NKAIN2: variants seen among roughly 807,000 people sequenced by gnomAD.
NKAIN2 encodes sodium/potassium-transporting ATPase subunit beta-1-interacting protein 2.
A neutral mutation model predicts 32.6 loss-of-function variants in NKAIN2; 14 were observed. The ratio of observed to expected loss-of-function variants is 0.43; its 90% CI spans 0.28 to 0.67. The LOEUF is 0.67. NKAIN2 is among the 30% of genes least tolerant of loss of function. The pLI is 0.17. For missense variants in NKAIN2, 198 were observed against 258.3 expected (o/e 0.77, Z 1.60); for synonymous variants, 80 against 87.2 (o/e 0.92, Z 0.46).
chr6:124,516,044 T>G, intron 3 of NKAIN2, among the ~76,000 whole-genome samples: 1 of 152,302 alleles, frequency 6.6e-6, no homozygotes, highest in East Asian at 1.9e-4. Context: ...GCATTCCTAC[T>G]ATCTTCCTCG....
chr6:124,711,959 T>G (rs369391078), intron 4 of NKAIN2, among the ~76,000 whole-genome samples: 2 of 152,258 alleles, frequency 1.3e-5, no homozygotes, highest in Non-Finnish European at 1.5e-5. Context: ...TTTATCTACT[T>G]TTGGTCTTTG....
At chr6:123,932,369 A>G in intron 1 of NKAIN2, among the ~76,000 whole-genome samples, 1 of 144,426 alleles carries the variant, frequency 6.9e-6, no homozygotes, top group African/African-American at 2.7e-5. Context: ...ACAAATCAAC[A>G]TGTGTGGAGT....
chr6:124,535,898 C>T (rs538897353), intron 3 of NKAIN2, among the ~76,000 whole-genome samples: 2 of 152,278 alleles, frequency 1.3e-5, no homozygotes, highest in East Asian at 1.9e-4. Context: ...TTCCCTCAGG[C>T]GTGAAGCAAC....
rs9388317 is a variant in NKAIN2 at position 124,342,526 on chromosome 6, A to T, written c.193-12741A>T. On this transcript the variant is annotated intron_variant, in intron 2 of 6. Transcript: ENST00000368417. ...TTTTGTTGTTTTTTCTTTTATTTTC[A>T]ATACAGGGTCTTGCTCTGTCACCCA... Among the ~76,000 whole-genome samples, 106 of 151,590 alleles carry T rather than the reference A, an allele frequency of 7.0e-4. 1 individual carries two copies. The highest frequency in any genetic ancestry group is 2.4e-3 in the African/African-American group (100 of 41,396).
chr6:124,351,508 C>CAAA (rs397956239), intron 2 of NKAIN2, among the ~76,000 whole-genome samples: 6 of 109,022 alleles, frequency 5.5e-5, no homozygotes, highest in African/African-American at 9.6e-5. Context: ...TCAAAAAAAC[C>CAAA]AAAAAAAAAA....
At chr6:124,248,879 C>T (rs2689889) in intron 1 of NKAIN2, among the ~76,000 whole-genome samples, 64,990 of 151,930 alleles carry the variant, frequency 0.43, 16,018 homozygotes, top group African/African-American at 0.68. Flanking sequence ...GGCAAAATTA[C>T]AGCAAACTTT....
At chr6:124,343,210 T>G (rs1460148282) in intron 2 of NKAIN2, among the ~76,000 whole-genome samples, 1 of 152,142 alleles carries the variant, frequency 6.6e-6, no homozygotes, top group Non-Finnish European at 1.5e-5. Flanking sequence ...TGTGCCACAT[T>G]TTCTTAATCC....
intron 4 of NKAIN2, among the ~76,000 whole-genome samples, chr6:124,790,452 T>C (rs1474620877): frequency 1.3e-5 from 2 of 152,232 alleles, no homozygotes; most frequent in East Asian, 3.9e-4. Context: ...GATCAATGCC[T>C]GTCTGAAATG....
At chr6:124,264,317 T>G (rs1192048444) in intron 1 of NKAIN2, among the ~76,000 whole-genome samples, 1 of 152,172 alleles carries the variant, frequency 6.6e-6, no homozygotes, top group Non-Finnish European at 1.5e-5. Context: ...ACTCATCTCC[T>G]CTTGCCTCTG....
intron 1 of NKAIN2, among the ~76,000 whole-genome samples, chr6:124,247,698 C>T (rs1793484281): frequency 6.6e-6 from 1 of 152,010 alleles, no homozygotes; most frequent in Non-Finnish European, 1.5e-5. Flanking sequence ...ACAAGATTGC[C>T]TAGACATAGA....
intron 1 of NKAIN2, among the ~76,000 whole-genome samples, chr6:124,264,947 A>T (rs1003487384): frequency 7.9e-5 from 12 of 152,220 alleles, no homozygotes; most frequent in African/African-American, 2.9e-4. Flanking sequence ...CATAATTTTT[A>T]TAATATATGT....
At chr6:124,801,415 G>A (rs112783248) in intron 5 of NKAIN2, among the ~76,000 whole-genome samples, 1 of 152,178 alleles carries the variant, frequency 6.6e-6, no homozygotes, top group African/African-American at 2.4e-5. Context: ...GTTAAGGAAA[G>A]GGACACTCAA....
At chr6:124,265,335 A>G (rs1794444346) in intron 1 of NKAIN2, among the ~76,000 whole-genome samples, 1 of 152,160 alleles carries the variant, frequency 6.6e-6, no homozygotes, top group Non-Finnish European at 1.5e-5. Flanking sequence ...TACTCTTAGA[A>G]ATATTAGAAT....
At position 124,032,017 on chromosome 6, in the gene NKAIN2, A is replaced by G. The variant is rs1193205604; in HGVS notation, c.54+227763A>G. Among the ~76,000 whole-genome samples, 6 of 152,004 alleles carry G rather than the reference A, an allele frequency of 3.9e-5. 1 individual carries two copies. Among genetic ancestry groups the G allele is most frequent in the Non-Finnish European group, 8.8e-5 (6 of 67,976 alleles). Reference sequence around the variant, plus strand: ...TAGCAAAGACTTGGAACCAACTCAAATGTCCATCAATGATAGACTGGATTA... The same window carrying G: ...TAGCAAAGACTTGGAACCAACTCAAGTGTCCATCAATGATAGACTGGATTA... On this transcript the variant is annotated intron_variant, in intron 1 of 6. Transcript: ENST00000368417.
At chr6:124,395,166 A>G (rs1237237021) in intron 3 of NKAIN2, among the ~76,000 whole-genome samples, 1 of 152,172 alleles carries the variant, frequency 6.6e-6, no homozygotes, top group African/African-American at 2.4e-5. Flanking sequence ...GAATATTTTA[A>G]TACTTCAAAT....
chr6:124,674,869 T>C (rs1773279379), intron 4 of NKAIN2, among the ~76,000 whole-genome samples: 1 of 152,044 alleles, frequency 6.6e-6, no homozygotes, highest in African/African-American at 2.4e-5. Flanking sequence ...TAATTTATCT[T>C]GGTGAGGACT....
At chr6:123,841,400 G>A (rs529525272) in intron 1 of NKAIN2, among the ~76,000 whole-genome samples, 2 of 152,272 alleles carry the variant, frequency 1.3e-5, no homozygotes, top group African/African-American at 2.4e-5. Context: ...TCAAGGCATA[G>A]TAATTAAATA....
At chr6:124,212,024 C>T (rs943546180) in intron 1 of NKAIN2, among the ~76,000 whole-genome samples, 1 of 151,986 alleles carries the variant, frequency 6.6e-6, no homozygotes, top group African/African-American at 2.4e-5. Flanking sequence ...GTGGGATTTA[C>T]AGTTTATTGA....
Position 124,064,594 on chromosome 6 carries a change from C to T in NKAIN2, c.55-218411C>T, listed in dbSNP as rs149147462. Among the ~76,000 whole-genome samples the T allele has an allele frequency of 7.9e-3, 1,203 of 152,074 alleles. 14 individuals carry two copies. Among genetic ancestry groups the T allele is most frequent in the African/African-American group, 0.028 (1,142 of 41,498 alleles). On this transcript the variant is annotated intron_variant, in intron 1 of 6. Transcript: ENST00000368417. ...TAGGCAACGGTAAACTGAAAGATGTCCAGATATGCTAGACTTTAAGAAATC... is the reference window on the plus strand; with the variant it reads ...TAGGCAACGGTAAACTGAAAGATGTTCAGATATGCTAGACTTTAAGAAATC...
Sources: gnomAD v4.1 joint callset for allele counts (sites outside exome capture counted in the v4.1 genomes callset) on GRCh38, gnomAD v4.1.1 for gene constraint, MANE v1.5 for transcripts, NCBI Gene and HGNC (gene_info 2026-07-23, HGNC 2026-07-21) for gene names.